Variants in DNAH7 observed in about 807,000 individuals in gnomAD.
The protein encoded by DNAH7 is dynein axonemal heavy chain 7, also known as axonemal beta dynein heavy chain 7.
DNAH7 carries 397 observed loss-of-function variants against 444.6 expected under a neutral mutation model. The observed-to-expected ratio is 0.89, with a 90% CI of 0.82 to 0.97. The LOEUF is 0.97. DNAH7 is among the 50% of genes least tolerant of loss of function. DNAH7 has a pLI of 0.00. For missense variants in DNAH7, 4,902 were observed against 4,800.8 expected, an observed-to-expected ratio of 1.02 and a Z score of -0.62; for synonymous variants, 1,636 against 1,624.4, an observed-to-expected ratio of 1.01 and a Z score of -0.17.
In DNAH7 at chr2:195,754,385, C is replaced by T. The variant is rs373127506; in HGVS notation, c.11716G>A (p.Asp3906Asn). 1.2e-6 allele frequency: 2 copies of T among 1,613,866 alleles called. No homozygotes were observed. The highest frequency in any genetic ancestry group is 2.7e-5 in the African/African-American group (2 of 74,888). The change falls in exon 63 of 65, where the codon GAC (aspartate) becomes AAC (asparagine). Residue 3906 changes from aspartate to asparagine, a missense_variant. Coordinates refer to ENST00000312428, the MANE Select transcript of DNAH7 (RefSeq NM_018897.3). ...TCTTTGTCTTCCATCACTTCATAGT[C>T]AAACCCAAGAAGATCAATAGGAATT... ...YTIPIDLLGFDYEVMEDKEYK... is the reference protein window; with the variant it reads ...YTIPIDLLGFNYEVMEDKEYK...
At chr2:196,038,912 T>G (rs1278941750) in intron 5 of DNAH7, among the ~76,000 whole-genome samples, 3 of 152,160 alleles carry the variant, frequency 2.0e-5, no homozygotes, top group Non-Finnish European at 4.4e-5. Context: ...AGGAGAGACA[T>G]AGACCCCAAT....
intron 58 of DNAH7, among the ~76,000 whole-genome samples, chr2:195,781,541 CTTCCCTG>C (rs72356859): frequency 0.012 from 1,755 of 152,232 alleles, 36 homozygotes; most frequent in African/African-American, 0.04. Context: ...GCTTGGATTG[CTTCCCTG>C]TTCCTTGTTA....
At chr2:196,021,265 T>G (rs552146474) in intron 8 of DNAH7, among the ~76,000 whole-genome samples, 1 of 152,314 alleles carries the variant, frequency 6.6e-6, no homozygotes, top group African/African-American at 2.4e-5. Context: ...CACCTGTCTA[T>G]GTCTAGTCAT....
chr2:195,872,831 A>T (rs1700800427), intron 39 of DNAH7, among the ~76,000 whole-genome samples: 1 of 152,102 alleles, frequency 6.6e-6, no homozygotes, highest in South Asian at 2.1e-4. Flanking sequence ...TGGCATTCTC[A>T]ACTGCATATA....
At chr2:195,998,296 T>C (rs538182598) in intron 12 of DNAH7, among the ~76,000 whole-genome samples, 33 of 152,252 alleles carry the variant, frequency 2.2e-4, no homozygotes, top group African/African-American at 7.2e-4. Flanking sequence ...AAGTTATGGC[T>C]GGGTGCGGTG....
chr2:195,902,778 T>C (rs757919404), intron 27 of DNAH7: 22 of 152,156 alleles, frequency 1.4e-4, no homozygotes, highest in African/African-American at 3.4e-4. Flanking sequence ...CCACCAACGA[T>C]TGAACAATGA....
chr2:195,920,132 G>A (rs1220594441), intron 24 of DNAH7, among the ~76,000 whole-genome samples: 1 of 152,008 alleles, frequency 6.6e-6, no homozygotes, highest in South Asian at 2.1e-4. Context: ...TGACCATACT[G>A]CCAAAAGCAA....
At position 196,001,693 on chromosome 2, in the gene DNAH7, G is replaced by A. The variant is rs773946069; in HGVS notation, c.1155C>T (p.Asp385=). 1 of 1,578,626 alleles carries A rather than the reference G, an allele frequency of 6.3e-7. No homozygotes were observed. The highest frequency in any genetic ancestry group is 2.3e-5 in the East Asian group (1 of 43,970). The change falls in exon 11 of 65, where the codon GAC becomes GAT. Residue 385 remains aspartate (D), a synonymous_variant. Transcript: ENST00000312428. ...TACTTACTGGGGGTTGTGCAATTAA[G>A]TCCGTGAAATCTTGCATGGAGACTA... ...LTLVSMQDFT[D]LIAQPPDSVR...
At chr2:195,931,742 G>T (rs1688710169) in intron 21 of DNAH7, among the ~76,000 whole-genome samples, 1 of 152,082 alleles carries the variant, frequency 6.6e-6, no homozygotes, top group Non-Finnish European at 1.5e-5. Context: ...TAAATATGTG[G>T]CATTATTTCT....
intron 54 of DNAH7, among the ~76,000 whole-genome samples, chr2:195,800,059 G>A (rs1696370342): frequency 6.6e-6 from 1 of 152,136 alleles, no homozygotes; most frequent in African/African-American, 2.4e-5. Flanking sequence ...GTCCTTTTCA[G>A]GCCTTGATTT....
chr2:195,992,895 T>G (rs1693441840), intron 12 of DNAH7, among the ~76,000 whole-genome samples: 1 of 152,194 alleles, frequency 6.6e-6, no homozygotes, highest in Non-Finnish European at 1.5e-5. Flanking sequence ...TTGGTCCAAC[T>G]CATTCCTTCA....
intron 24 of DNAH7, among the ~76,000 whole-genome samples, chr2:195,910,458 G>T (rs1289509732): frequency 1.3e-5 from 2 of 152,072 alleles, no homozygotes; most frequent in African/African-American, 4.8e-5. Flanking sequence ...CCAATATGAA[G>T]AATTCAGTTG....
intron 49 of DNAH7, among the ~76,000 whole-genome samples, chr2:195,823,268 G>T (rs1473289165): frequency 6.6e-6 from 1 of 152,116 alleles, no homozygotes; most frequent in African/African-American, 2.4e-5. Flanking sequence ...TTTTCCCCTA[G>T]TCTTCCTGAC....
chr2:195,936,581 T>C lies in DNAH7; in HGVS notation c.3272+18A>G, dbSNP rs753681336. 1.8e-5 allele frequency: 28 copies of C among 1,551,622 alleles called. No homozygotes were observed. Among genetic ancestry groups the C allele is most frequent in the Non-Finnish European group, 2.3e-5 (27 of 1,154,278 alleles). The stretch of plus-strand genomic sequence containing the variant: ...AGCAGATAAATTTAGTCATGTATTC[T>C]ACATGTAAATTACTTACCTAGTGGG... On this transcript the variant is annotated intron_variant, in intron 20 of 64. Coordinates refer to ENST00000312428, the MANE Select transcript of DNAH7 (RefSeq NM_018897.3).
rs61502519 is a variant in DNAH7 at position 195,897,767 on chromosome 2, TAA to T, written c.4549-4_4549-3del. The stretch of plus-strand genomic sequence containing the variant: ...TTCATTTTCATTTGGATATTTCAGC[TAA>T]AAAAAAAAAAAAAAACTCATGAGGA... On this transcript the variant is annotated splice_region_variant and splice_polypyrimidine_tract_variant and intron_variant, in intron 28 of 64. Transcript: ENST00000312428. 0.029 allele frequency: 31,935 copies of T among 1,116,596 alleles called. 5 individuals carry two copies. Among genetic ancestry groups the T allele is most frequent in the African/African-American group, 0.038 (2,261 of 58,780 alleles). 69.2% of individuals were successfully genotyped at this position (1,116,596 alleles called of 1,614,324 possible). A position where few individuals can be genotyped will look rare whatever the true frequency, so the allele number is the denominator to read the frequency against.
In DNAH7 at chr2:196,026,483, C is replaced by T. The variant is rs1456137674; in HGVS notation, c.667+277G>A. 2.6e-5 allele frequency among the ~76,000 whole-genome samples: 4 copies of T among 152,144 alleles called. No homozygotes were observed. The East Asian group carries it at 7.7e-4, about 29-fold the overall frequency. ...TAATGCCTCGCATAAATTAGACACT[C>T]AATAAATATCTTGAGGGATTGAAAT... On this transcript the variant is annotated intron_variant, in intron 7 of 64. Transcript: ENST00000312428.
Position 196,058,109 on chromosome 2 carries a change from G to A in DNAH7, c.23C>T (p.Ser8Leu), listed in dbSNP as rs371246623. 25 of 1,582,188 alleles carry A rather than the reference G, an allele frequency of 1.6e-5. No homozygotes were observed. Among genetic ancestry groups the A allele is most frequent in the East Asian group, 2.3e-5 (1 of 44,010 alleles). MSSEQDKSASKEKSKKPV... is the reference protein window; with the variant it reads MSSEQDKLASKEKSKKPV... ...TTTCTTGGATTTTTCTTTGCTGGCCGATTTATCCTGTATGAAAAACATGAA... is the reference window on the plus strand; with the variant it reads ...TTTCTTGGATTTTTCTTTGCTGGCCAATTTATCCTGTATGAAAAACATGAA... Residue 8 changes from serine to leucine, a missense_variant, in exon 2 of 65, where the codon TCG becomes TTG. By Grantham distance (145) the Ser-to-Leu change is moderately radical (BLOSUM62 -2). Transcript: ENST00000312428.
intron 48 of DNAH7, among the ~76,000 whole-genome samples, chr2:195,829,139 G>A (rs1239784006): frequency 6.6e-6 from 1 of 151,778 alleles, no homozygotes; most frequent in African/African-American, 2.4e-5. Context: ...GTTTTGTTTT[G>A]CTTTGCTTTC....
At chr2:196,023,901 A>C in intron 8 of DNAH7, among the ~76,000 whole-genome samples, 1 of 152,212 alleles carries the variant, frequency 6.6e-6, no homozygotes, top group African/African-American at 2.4e-5. Flanking sequence ...TCAGGGAATT[A>C]GGGAGGCCTT....
Sources: allele counts gnomAD v4.1 joint callset (sites outside exome capture counted in the v4.1 genomes callset), GRCh38; gene constraint gnomAD v4.1.1; transcripts MANE v1.5; gene names NCBI Gene and HGNC (gene_info 2026-07-23, HGNC 2026-07-21).